The following GPAT3 variants were observed in gnomAD, a reference collection of about 807,000 sequenced individuals.
GPAT3 encodes glycerol-3-phosphate acyltransferase 3.
A neutral mutation model predicts 58.8 loss-of-function variants in GPAT3; 53 were observed. The ratio of observed to expected loss-of-function variants is 0.90; its 90% CI spans 0.72 to 1.13. The LOEUF is 1.13. Among genes scored for constraint, GPAT3 ranks in the 50% most tolerant of loss-of-function variants. GPAT3 has a pLI of 0.00. For missense variants in GPAT3, 511 were observed against 527.6 expected (o/e 0.97, Z 0.31); for synonymous variants, 197 against 187.4 (o/e 1.05, Z -0.42).
intron 1 of GPAT3, among the ~76,000 whole-genome samples, chr4:83,537,591 ATGTGTGTGTGTG>A (rs113407081): frequency 8.3e-5 from 12 of 145,172 alleles, no homozygotes; most frequent in Admixed American, 1.4e-4. Flanking sequence ...TATGTATAAT[ATGTGTGTGTGTG>A]TGTGTGTGTG....
chr4:83,595,839 G>A (rs557842182), intron 7 of GPAT3, among the ~76,000 whole-genome samples: 2 of 152,194 alleles, frequency 1.3e-5, no homozygotes, highest in Non-Finnish European at 2.9e-5. Flanking sequence ...GCCTTTAACT[G>A]GAAGGCACAT....
rs1726885854 is a variant in GPAT3 at position 83,597,456 on chromosome 4, A to G, written c.937A>G (p.Met313Val). Residue 313 changes from methionine (M) to valine (V), a missense_variant, in exon 9 of 12, where the codon ATG becomes GTG. Met to Val is a conservative substitution (Grantham distance 21). Transcript: ENST00000264409. ...EGTCINNTSV[M>V]MFKKGSFEIG... Reference sequence around the variant, plus strand: ...AACTTGCATCAACAATACTTCAGTCATGATGTTTAAAAAGGGGAGCTTTGA... The same window carrying G: ...AACTTGCATCAACAATACTTCAGTCGTGATGTTTAAAAAGGGGAGCTTTGA... 5 of 1,574,864 alleles carry G rather than the reference A, an allele frequency of 3.2e-6. No individual in the cohort carries two copies. Among genetic ancestry groups the G allele is most frequent in the South Asian group, 2.5e-5 (2 of 81,268 alleles).
intron 1 of GPAT3, among the ~76,000 whole-genome samples, chr4:83,542,682 T>TTTTTGA (rs1316829503): frequency 6.6e-6 from 1 of 152,160 alleles, no homozygotes; most frequent in Admixed American, 6.5e-5. Flanking sequence ...ATAACTGAGG[T>TTTTTGA]TTTTGACTTG....
intron 3 of GPAT3, among the ~76,000 whole-genome samples, chr4:83,582,512 AGCGTGGT>A (rs1560623967): frequency 6.6e-6 from 1 of 152,222 alleles, no homozygotes; most frequent in East Asian, 1.9e-4. Context: ...AGATCTGATT[AGCGTGGT>A]GGTAGCAGTA....
chr4:83,539,940 T>C (rs1724232751), intron 1 of GPAT3, among the ~76,000 whole-genome samples: 1 of 152,108 alleles, frequency 6.6e-6, no homozygotes, highest in Non-Finnish European at 1.5e-5. Context: ...GGTGGATCAC[T>C]TGAGATTAGG....
intron 2 of GPAT3, among the ~76,000 whole-genome samples, chr4:83,552,755 C>T (rs992140967): frequency 6.6e-6 from 1 of 152,090 alleles, no homozygotes; most frequent in African/African-American, 2.4e-5. Flanking sequence ...ATGTCTATGT[C>T]CCCCCCTTCC....
intron 11 of GPAT3, among the ~76,000 whole-genome samples, chr4:83,600,692 G>T (rs1052245412): frequency 6.6e-6 from 1 of 151,946 alleles, no homozygotes; most frequent in African/African-American, 2.4e-5. Flanking sequence ...TTTTAGTAGA[G>T]ATGGAGTTTC....
chr4:83,600,581 C>T (rs935454800), intron 11 of GPAT3, among the ~76,000 whole-genome samples: 2 of 152,102 alleles, frequency 1.3e-5, no homozygotes, highest in Non-Finnish European at 2.9e-5. Context: ...TGGGTCACTG[C>T]AACTTCCACC....
At chr4:83,578,742 A>G (rs1297218282) in intron 2 of GPAT3, among the ~76,000 whole-genome samples, 3 of 152,180 alleles carry the variant, frequency 2.0e-5, no homozygotes, top group Non-Finnish European at 4.4e-5. Context: ...GCACACTATC[A>G]TGGTTCATCC....
chr4:83,589,568 G>A (rs1366088879), intron 5 of GPAT3, among the ~76,000 whole-genome samples: 1 of 152,168 alleles, frequency 6.6e-6, no homozygotes, highest in South Asian at 2.1e-4. Context: ...TGCTCTAGGA[G>A]GATAGGAGGG....
chr4:83,560,177 C>G (rs1725081110), intron 2 of GPAT3, among the ~76,000 whole-genome samples: 1 of 152,184 alleles, frequency 6.6e-6, no homozygotes, highest in Admixed American at 6.5e-5. Flanking sequence ...CTTTGATTGC[C>G]TAGAGGCCCA....
chr4:83,562,819 G>GAT (rs1725231905), intron 2 of GPAT3, among the ~76,000 whole-genome samples: 1 of 152,010 alleles, frequency 6.6e-6, no homozygotes, highest in South Asian at 2.1e-4. Flanking sequence ...TAGATAGATA[G>GAT]AGACTTCTAA....
chr4:83,598,740 A>T lies in GPAT3; in HGVS notation c.1205+17A>T, dbSNP rs768188195. ...ACTTCCCTGGTAAGAGAACTTTCAG[A>T]AGTACTATCACTTTTTTTTTTTTTT... On this transcript the variant is annotated intron_variant, in intron 11 of 11. Coordinates refer to ENST00000264409, the MANE Select transcript of GPAT3 (RefSeq NM_032717.5). 7.6e-6 allele frequency: 5 copies of T among 661,456 alleles called. No homozygotes were observed. The South Asian group carries it at 8.8e-5, about 12-fold the overall frequency. 41.0% of individuals were successfully genotyped at this position (661,456 alleles called of 1,614,324 possible).
chr4:83,574,024 A>G (rs1578181942), intron 2 of GPAT3, among the ~76,000 whole-genome samples: 1 of 152,142 alleles, frequency 6.6e-6, no homozygotes, highest in African/African-American at 2.4e-5. Flanking sequence ...GAGACTTTCT[A>G]TTTCATGCTA....
intron 2 of GPAT3, among the ~76,000 whole-genome samples, chr4:83,576,866 T>C (rs1007982412): frequency 6.6e-6 from 1 of 152,182 alleles, no homozygotes; most frequent in Non-Finnish European, 1.5e-5. Context: ...TAAATATCCA[T>C]GGGGAGCAGG....
intron 11 of GPAT3, among the ~76,000 whole-genome samples, chr4:83,602,161 A>G (rs759712026): frequency 6.6e-6 from 1 of 152,092 alleles, no homozygotes; most frequent in Non-Finnish European, 1.5e-5. Flanking sequence ...CTCACTCTTT[A>G]TCTTACCTGA....
chr4:83,550,244 G>A (rs141281158), intron 2 of GPAT3, among the ~76,000 whole-genome samples: 2 of 151,900 alleles, frequency 1.3e-5, no homozygotes, highest in African/African-American at 4.8e-5. Flanking sequence ...TGTTGCCCAG[G>A]CTGGTCTTGA....
At chr4:83,585,230 G>A (rs958048514) in intron 3 of GPAT3, among the ~76,000 whole-genome samples, 1 of 151,626 alleles carries the variant, frequency 6.6e-6, no homozygotes, top group Non-Finnish European at 1.5e-5. Flanking sequence ...GTATTTATAG[G>A]AAAGCATGTT....
At position 83,598,621 on chromosome 4, in the gene GPAT3, AATTT is replaced by A; in HGVS notation, c.1126-22_1126-19del. The A allele has an allele frequency of 2.7e-6, 4 of 1,468,920 alleles. No homozygotes were observed. The highest frequency in any genetic ancestry group is 2.8e-6 in the Non-Finnish European group (3 of 1,064,098). The allele number at this position is 1,468,920 out of a possible 1,614,324, so 91.0% of individuals were successfully genotyped here. A position where few individuals can be genotyped will look rare whatever the true frequency, so the allele number is the denominator to read the frequency against. ...AACTCGATAACTAAGATATTCTTGC[AATTT>A]TTTTTTTTTTTAAACCAGGAAGGAG... On this transcript the variant is annotated intron_variant, in intron 10 of 11. Coordinates refer to ENST00000264409, the MANE Select transcript of GPAT3 (RefSeq NM_032717.5).
Sources: gnomAD v4.1 joint callset for allele counts (sites outside exome capture counted in the v4.1 genomes callset) on GRCh38, gnomAD v4.1.1 for gene constraint, MANE v1.5 for transcripts, NCBI Gene and HGNC (gene_info 2026-07-23, HGNC 2026-07-21) for gene names.